The following LINGO2 variants were observed in gnomAD, a reference collection of about 807,000 sequenced individuals.
LINGO2 encodes the protein leucine rich repeat and Ig domain containing 2.
In LINGO2, 14 loss-of-function variants were observed where a neutral mutation model predicts 30.6. The observed-to-expected ratio is 0.46, with a 90% CI of 0.30 to 0.72. The LOEUF is 0.72. LINGO2 is among the 30% of genes least tolerant of loss of function. The pLI, the probability that LINGO2 is intolerant of heterozygous loss-of-function variation, is 0.07. For synonymous variants in LINGO2, 317 were observed against 288.5 expected (o/e 1.10, Z -1.00); for missense variants, 729 against 751.7 (o/e 0.97, Z 0.35).
At chr9:28,369,249 C>G (rs1412619849) in intron 3 of LINGO2, among the ~76,000 whole-genome samples, 1 of 152,168 alleles carries the variant, frequency 6.6e-6, no homozygotes. Context: ...TGTCCATCCA[C>G]TTAACATTTT....
At chr9:29,076,741 T>G in the LINGO2 span, among the ~76,000 whole-genome samples, 13 of 151,648 alleles carry the variant, frequency 8.6e-5, no homozygotes, top group Non-Finnish European at 1.8e-4. Context: ...ACACAACATT[T>G]TGGTTAGCTC....
At chr9:28,839,256 T>A in the LINGO2 span, among the ~76,000 whole-genome samples, 1 of 152,154 alleles carries the variant, frequency 6.6e-6, no homozygotes, top group Admixed American at 6.5e-5. Flanking sequence ...AGGTCCCAAG[T>A]TGTCCCACAT....
chr9:29,114,788 T>A, the LINGO2 span, among the ~76,000 whole-genome samples: 2 of 145,688 alleles, frequency 1.4e-5, no homozygotes, highest in African/African-American at 5.1e-5. Context: ...CATATTTTTT[T>A]AATCCAGTCT....
intron 1 of LINGO2, among the ~76,000 whole-genome samples, chr9:28,642,727 C>T (rs4609273): frequency 6.6e-6 from 1 of 151,920 alleles, no homozygotes; most frequent in Non-Finnish European, 1.5e-5. Flanking sequence ...ATGACTCCTT[C>T]TGCTTATTAT....
intron 2 of LINGO2, among the ~76,000 whole-genome samples, chr9:28,381,548 T>G (rs1050480648): frequency 9.9e-5 from 15 of 152,240 alleles, no homozygotes; most frequent in Middle Eastern, 3.4e-3. Flanking sequence ...CATTTGTATC[T>G]TGAATATATA....
At chr9:28,135,464 A>G (rs1827491786) in intron 4 of LINGO2, among the ~76,000 whole-genome samples, 1 of 151,964 alleles carries the variant, frequency 6.6e-6, no homozygotes, top group South Asian at 2.1e-4. Context: ...TAACAAAACA[A>G]TACCATCTAT....
At chr9:28,918,418 A>T in the LINGO2 span, among the ~76,000 whole-genome samples, 2 of 152,224 alleles carry the variant, frequency 1.3e-5, no homozygotes, top group Non-Finnish European at 2.9e-5. Flanking sequence ...CATATCACAC[A>T]GATCAATGAA....
intron 4 of LINGO2, among the ~76,000 whole-genome samples, chr9:28,041,183 C>A (rs1005878178): frequency 2.6e-5 from 4 of 152,184 alleles, no homozygotes; most frequent in Non-Finnish European, 4.4e-5. Context: ...AGCATCTATT[C>A]TGTCTATTGC....
At chr9:28,712,340 C>T in the LINGO2 span, among the ~76,000 whole-genome samples, 2 of 151,980 alleles carry the variant, frequency 1.3e-5, no homozygotes, top group African/African-American at 4.8e-5. Flanking sequence ...ATATAAACAG[C>T]ATATGCTGAA....
the LINGO2 span, among the ~76,000 whole-genome samples, chr9:28,678,247 A>T: frequency 0.29 from 43,043 of 150,938 alleles, 6,850 homozygotes; most frequent in African/African-American, 0.44. Flanking sequence ...CTGCTCTCCC[A>T]CTCTCACCAG....
chr9:28,990,414 C>T, the LINGO2 span, among the ~76,000 whole-genome samples: 2 of 152,204 alleles, frequency 1.3e-5, no homozygotes, highest in Non-Finnish European at 2.9e-5. Context: ...GTAGGCTCCA[C>T]CTCTGGGGGC....
intron 1 of LINGO2, among the ~76,000 whole-genome samples, chr9:28,484,497 C>A (rs150875379): frequency 2.6e-5 from 4 of 152,210 alleles, no homozygotes; most frequent in African/African-American, 9.6e-5. Context: ...ATCTTTCAGA[C>A]TCAACATCAC....
rs555766362 is a variant in LINGO2, at chr9:28,457,059, A to G, written c.-279+18881T>C. Reference sequence around the variant, plus strand: ...AAAGTGCTATAAACTAGCCACTTAAATCATAAGTGAACATGATCTCTTACA... The same window carrying G: ...AAAGTGCTATAAACTAGCCACTTAAGTCATAAGTGAACATGATCTCTTACA... On this transcript the variant is annotated intron_variant, in intron 2 of 5. Coordinates refer to ENST00000379992, the Ensembl canonical transcript of LINGO2. 2.2e-4 allele frequency among the ~76,000 whole-genome samples: 34 copies of G among 152,314 alleles called. 1 individual carries two copies. In the South Asian group the frequency reaches 5.2e-3, roughly 23 times the overall value.
chr9:28,883,628 G>GTGTGTATGTGTATATATATATATATA, the LINGO2 span, among the ~76,000 whole-genome samples: 2 of 64,176 alleles, frequency 3.1e-5, no homozygotes, highest in African/African-American at 5.8e-5. Flanking sequence ...ATGTGTGTGT[G>GTGTGTATGTGTATATATATATATATA]TATATATATA....
the LINGO2 span, among the ~76,000 whole-genome samples, chr9:28,922,043 C>T: frequency 6.6e-6 from 1 of 152,126 alleles, no homozygotes; most frequent in Non-Finnish European, 1.5e-5. Context: ...TGTAACAGCT[C>T]TTTGTGTACA....
chr9:28,985,136 G>A, the LINGO2 span, among the ~76,000 whole-genome samples: 45 of 152,116 alleles, frequency 3.0e-4, no homozygotes, highest in East Asian at 8.5e-3. Flanking sequence ...TTCTGTGCCT[G>A]GCTTATTTCA....
chr9:28,744,869 T>C, the LINGO2 span, among the ~76,000 whole-genome samples: 1 of 151,830 alleles, frequency 6.6e-6, no homozygotes, highest in East Asian at 1.9e-4. Flanking sequence ...TCTCTTGACC[T>C]CGTGATCCAC....
intron 2 of LINGO2, among the ~76,000 whole-genome samples, chr9:28,467,658 T>A (rs1825368417): frequency 6.6e-6 from 1 of 152,018 alleles, no homozygotes; most frequent in Admixed American, 6.5e-5. Context: ...TATTACATAT[T>A]ATTATTTTTT....
intron 4 of LINGO2, among the ~76,000 whole-genome samples, chr9:28,159,890 T>A (rs1192116298): frequency 6.6e-6 from 1 of 152,156 alleles, no homozygotes; most frequent in African/African-American, 2.4e-5. Flanking sequence ...TAGAGAGTAA[T>A]TGAGACTTTT....
Sources: gnomAD v4.1 joint callset for allele counts (sites outside exome capture counted in the v4.1 genomes callset) on GRCh38, gnomAD v4.1.1 for gene constraint, MANE v1.5 for transcripts, NCBI Gene and HGNC (gene_info 2026-07-23, HGNC 2026-07-21) for gene names.